SCUBE2: variants seen among roughly 807,000 people sequenced by gnomAD.
SCUBE2 encodes the protein signal peptide, CUB domain and EGF like domain containing 2, also known as signal peptide, CUB and EGF-like domain-containing protein 2.
In SCUBE2, 114 loss-of-function variants were observed where a neutral mutation model predicts 125.9. The observed-to-expected ratio is 0.91, with a 90% CI of 0.78 to 1.06. The LOEUF is 1.06. Among genes scored for constraint, SCUBE2 ranks in the 50% least tolerant of loss-of-function variants. The pLI, the probability that SCUBE2 is intolerant of heterozygous loss-of-function variation, is 0.00. For missense variants in SCUBE2, 1,255 were observed against 1,301.8 expected, an observed-to-expected ratio of 0.96 and a Z score of 0.55; for synonymous variants, 459 against 492.9, an observed-to-expected ratio of 0.93 and a Z score of 0.91.
At chr11:9,069,233 G>A in intron 5 of SCUBE2, 137 bp downstream of exon 5, 1 of 1,022,768 alleles carries the variant, frequency 9.8e-7, no homozygotes, top group Non-Finnish European at 1.4e-6. Context: ...GTACTTGGTA[G>A]AGGTCGGTAT....
intron 16 of SCUBE2, among the ~76,000 whole-genome samples, chr11:9,043,275 TATACACACACATGC>T (rs1397705682): frequency 6.6e-6 from 1 of 151,998 alleles, no homozygotes; most frequent in African/African-American, 2.4e-5. Context: ...TACATACATA[TATACACACACATGC>T]ATACACACAC....
intron 8 of SCUBE2, 83 bp downstream of exon 8, chr11:9,060,325 G>A: frequency 9.7e-7 from 1 of 1,030,978 alleles, no homozygotes; most frequent in Non-Finnish European, 1.5e-6. Flanking sequence ...TGGAGGGTAT[G>A]TTGCCTTTAT....
intron 3 of SCUBE2, among the ~76,000 whole-genome samples, chr11:9,076,873 A>C (rs1318545186): frequency 6.6e-6 from 1 of 152,170 alleles, no homozygotes; most frequent in African/African-American, 2.4e-5. Context: ...CACATTCCAG[A>C]GGATGAGCCG....
chr11:9,025,535 C>T, intron 21 of SCUBE2, 167 bp downstream of exon 21: 1 of 650,982 alleles, frequency 1.5e-6, no homozygotes, highest in African/African-American at 1.8e-5. Flanking sequence ...TGTCAGTGTC[C>T]CCAAATGCCT....
At chr11:9,072,580 A>C (rs1241108901) in intron 4 of SCUBE2, among the ~76,000 whole-genome samples, 1 of 152,146 alleles carries the variant, frequency 6.6e-6, no homozygotes, top group Non-Finnish European at 1.5e-5. Flanking sequence ...CTAGAAGAAA[A>C]CTTTTTACAG....
At chr11:9,053,025 G>T in intron 12 of SCUBE2, 74 bp downstream of exon 12, 1 of 1,342,930 alleles carries the variant, frequency 7.4e-7, no homozygotes, top group Non-Finnish European at 1.1e-6. Flanking sequence ...CCCTTTGAGG[G>T]AATCTAACAC....
At chr11:9,090,031 C>T (rs535834722) in intron 1 of SCUBE2, among the ~76,000 whole-genome samples, 47 of 152,216 alleles carry the variant, frequency 3.1e-4, no homozygotes, top group African/African-American at 1.0e-3. Context: ...TGAAATTACC[C>T]CCACCATCAC....
intron 5 of SCUBE2, 111 bp from the exon 6 acceptor site, chr11:9,066,924 T>C (rs1441579382): frequency 1.2e-6 from 1 of 846,612 alleles, no homozygotes; most frequent in Non-Finnish European, 2.0e-6. Context: ...GAGCACCTAG[T>C]GCATGCCAGG....
rs778005990 is a variant in SCUBE2 at position 9,060,403 on chromosome 11, G to T, written c.967+5C>A. On this transcript the variant is annotated splice_donor_5th_base_variant and intron_variant, in intron 8 of 22. Transcript: ENST00000649792. Reference sequence around the variant, plus strand: ...ACCCAGTCTCCCTGGGGAGGTGAAGGCTACCTTTACATGTCTTCCCATCCA... The same window carrying T: ...ACCCAGTCTCCCTGGGGAGGTGAAGTCTACCTTTACATGTCTTCCCATCCA... 1 of 1,609,304 alleles carries T rather than the reference G, an allele frequency of 6.2e-7. No homozygotes were observed. The highest frequency in any genetic ancestry group is 1.1e-5 in the South Asian group (1 of 90,932).
intron 4 of SCUBE2, among the ~76,000 whole-genome samples, chr11:9,072,367 C>G (rs994085844): frequency 1.3e-5 from 2 of 152,154 alleles, no homozygotes; most frequent in Non-Finnish European, 2.9e-5. Flanking sequence ...CACCACCACG[C>G]CCGGCTAATT....
At chr11:9,071,150 C>CTAG (rs1860762925) in intron 4 of SCUBE2, among the ~76,000 whole-genome samples, 1 of 152,170 alleles carries the variant, frequency 6.6e-6, no homozygotes, top group Admixed American at 6.5e-5. Flanking sequence ...TGGGAAGTAA[C>CTAG]TAGTGCTCGG....
At chr11:9,036,865 C>A (rs571212727) in intron 16 of SCUBE2, among the ~76,000 whole-genome samples, 1 of 152,310 alleles carries the variant, frequency 6.6e-6, no homozygotes, top group East Asian at 1.9e-4. Context: ...CTTAACTGCT[C>A]GAAGTGCCAA....
At chr11:9,029,794 G>A (rs1856131110) in intron 19 of SCUBE2, 90 bp downstream of exon 19, 3 of 1,398,116 alleles carry the variant, frequency 2.1e-6, no homozygotes, top group South Asian at 2.5e-5. Context: ...AGTGAACCTG[G>A]GACCTCTGCC....
At chr11:9,024,229 T>C in intron 21 of SCUBE2, 1 of 1,094,980 alleles carries the variant, frequency 9.1e-7, no homozygotes, top group South Asian at 2.6e-5. Context: ...CATATTTATT[T>C]TGAAGTCTCA....
At chr11:9,024,444 T>G in intron 21 of SCUBE2, 1 of 1,276,726 alleles carries the variant, frequency 7.8e-7, no homozygotes, top group African/African-American at 1.5e-5. Flanking sequence ...TCCGTGCTTT[T>G]GTTACTTTTT....
intron 20 of SCUBE2, 83 bp from the exon 21 acceptor site, chr11:9,025,937 TC>T: frequency 7.2e-7 from 1 of 1,387,182 alleles, no homozygotes; most frequent in Non-Finnish European, 9.9e-7. Context: ...TTCTAAACAC[TC>T]AAACCATACA....
At chr11:9,088,476 G>A (rs1220679676) in intron 2 of SCUBE2, among the ~76,000 whole-genome samples, 3 of 152,184 alleles carry the variant, frequency 2.0e-5, no homozygotes, top group African/African-American at 7.2e-5. Flanking sequence ...ACTCCAGCCT[G>A]GGTAACAAGA....
chr11:9,068,650 T>G (rs1860490559), intron 5 of SCUBE2, among the ~76,000 whole-genome samples: 1 of 152,194 alleles, frequency 6.6e-6, no homozygotes, highest in African/African-American at 2.4e-5. Context: ...AGAGCACAGC[T>G]TTAGAGCTCA....
chr11:9,031,410 A>C (rs1380670955), intron 17 of SCUBE2: 1 of 152,442 alleles, frequency 6.6e-6, no homozygotes, highest in African/African-American at 2.4e-5. Context: ...AGGCAGGAGA[A>C]TCACTTGAGC....
Sources: allele counts gnomAD v4.1 joint callset (sites outside exome capture counted in the v4.1 genomes callset), GRCh38; gene constraint gnomAD v4.1.1; transcripts MANE v1.5; gene names NCBI Gene and HGNC (gene_info 2026-07-23, HGNC 2026-07-21).